Variants in LPP observed in about 807,000 individuals in gnomAD.
LPP encodes LIM domain containing preferred translocation partner in lipoma.
LPP carries 38 observed loss-of-function variants against 60.4 expected under a neutral mutation model. The observed-to-expected ratio is 0.63, with a 90% CI of 0.49 to 0.83. LPP has a LOEUF of 0.83. Among genes scored for constraint, LPP ranks in the 40% least tolerant of loss-of-function variants. The pLI is 0.00. For missense variants in LPP, 902 were observed against 783.6 expected, an observed-to-expected ratio of 1.15 and a Z score of -1.80; for synonymous variants, 328 against 290.8, an observed-to-expected ratio of 1.13 and a Z score of -1.30.
In LPP at chr3:188,330,756, C is replaced by T. The variant is rs1474333022; in HGVS notation, c.-66-10907C>T. 2.6e-5 allele frequency among the ~76,000 whole-genome samples: 4 copies of T among 152,062 alleles called. No homozygotes were observed. In the South Asian group the frequency reaches 8.3e-4, roughly 32 times the overall value. On this transcript the variant is annotated intron_variant, in intron 2 of 11. Transcript: ENST00000617246. The stretch of plus-strand genomic sequence containing the variant: ...ACTTGAGCCTGAGAGGCAGAGATTG[C>T]AGTGAGCCGAGATCGTGCTATTACA...
rs556100857 is a variant in LPP, at chr3:188,697,051, C to G, written c.1114-11216C>G. 9.9e-5 allele frequency among the ~76,000 whole-genome samples: 15 copies of G among 152,266 alleles called. 1 individual carries two copies. The East Asian group carries it at 2.7e-3, about 27-fold the overall frequency. On this transcript the variant is annotated intron_variant, in intron 7 of 11. Transcript: ENST00000617246. ...TTGAGATACTTTGATTTGATTTTCA[C>G]TGGTCAAGCAAAAAAACATGTTCTT...
rs1553878868 is a variant in LPP at position 188,878,772 on chromosome 3, AAAAG to A, written c.*4305_*4308del. The A allele has an allele frequency of 9.5e-4, 194 of 204,856 alleles. 1 individual carries two copies. Among genetic ancestry groups the A allele is most frequent in the Middle Eastern group, 5.0e-3 (3 of 606 alleles). 12.7% of individuals were successfully genotyped at this position (204,856 alleles called of 1,614,324 possible). On this transcript the variant is annotated 3_prime_UTR_variant, in exon 12 of 12. Transcript: ENST00000617246. ...AAAGTAAAAAAGTAAAAAAAAAAAA[AAAAG>A]AAAGAAAGAAAAGAAAGAGAGAGAA...
At chr3:188,223,672 A>C (rs1716647584) in intron 1 of LPP, among the ~76,000 whole-genome samples, 1 of 152,204 alleles carries the variant, frequency 6.6e-6, no homozygotes, top group Non-Finnish European at 1.5e-5. Flanking sequence ...GTGAAGTTTA[A>C]AAATCTGGGA....
chr3:188,782,252 C>T (rs1740027539), intron 9 of LPP, among the ~76,000 whole-genome samples: 1 of 152,162 alleles, frequency 6.6e-6, no homozygotes, highest in Admixed American at 6.5e-5. Flanking sequence ...AAGATCAAAA[C>T]TCAGTATCTC....
In LPP at chr3:188,609,226, C is replaced by T. The variant is rs1243276888; in HGVS notation, c.495C>T (p.Val165=). The change falls in exon 7 of 12, where the codon GTC becomes GTT. Residue 165 remains valine (V), a synonymous_variant. Coordinates refer to ENST00000617246, the MANE Select transcript of LPP (RefSeq NM_001375462.1). This position sits in a 1 kb window ranked among gnomAD's most constrained non-coding sequence, Gnocchi z 6.9. The part of the protein sequence containing the change: ...STPVTGHKRM[V]IPNQPPLTAT... Reference sequence around the variant, plus strand: ...CAGTCACAGGACACAAGAGAATGGTCATCCCGAACCAACCCCCTCTAACAG... The same window carrying T: ...CAGTCACAGGACACAAGAGAATGGTTATCCCGAACCAACCCCCTCTAACAG... 5 of 1,613,984 alleles carry T rather than the reference C, an allele frequency of 3.1e-6. No individual in the cohort carries two copies. In the East Asian group the frequency reaches 6.7e-5, roughly 22 times the overall value.
intron 7 of LPP, among the ~76,000 whole-genome samples, chr3:188,680,551 A>C (rs973629484): frequency 6.6e-6 from 1 of 152,192 alleles, no homozygotes; most frequent in South Asian, 2.1e-4. Flanking sequence ...ACATTTTTTT[A>C]CTACCCCACC....
intron 6 of LPP, among the ~76,000 whole-genome samples, chr3:188,605,195 T>C (rs1328194899): frequency 2.6e-5 from 4 of 152,182 alleles, no homozygotes; most frequent in East Asian, 1.9e-4. Flanking sequence ...GTCGTGGACA[T>C]TGGGAGACCA....
chr3:188,878,136 A>G lies in LPP; in HGVS notation c.*3657A>G, dbSNP rs1040916636. On this transcript the variant is annotated 3_prime_UTR_variant, in exon 12 of 12. Coordinates refer to ENST00000617246, the MANE Select transcript of LPP (RefSeq NM_001375462.1). ...GACTCTGAAAACACAACTTCCAGCC[A>G]TTTTTTTAGTTAGTAAAAATCCTAT... is the stretch of plus-strand genomic sequence containing the variant. The G allele has an allele frequency of 4.5e-6, 1 of 220,678 alleles. No individual in the cohort carries two copies. The highest frequency in any genetic ancestry group is 5.8e-5 in the Admixed American group (1 of 17,330). The allele number at this position is 220,678 out of a possible 1,614,324, so 13.7% of individuals were successfully genotyped here.
intron 9 of LPP, among the ~76,000 whole-genome samples, chr3:188,842,630 T>G (rs539922339): frequency 6.6e-6 from 1 of 152,242 alleles, no homozygotes; most frequent in South Asian, 2.1e-4. Context: ...AGCTATAGAA[T>G]TAATGTTTTT....
intron 8 of LPP, among the ~76,000 whole-genome samples, chr3:188,747,051 C>T (rs755660800): frequency 2.0e-5 from 3 of 152,038 alleles, no homozygotes; most frequent in Non-Finnish European, 2.9e-5. Context: ...ACACTTGATT[C>T]GGTGTATTTA....
intron 9 of LPP, among the ~76,000 whole-genome samples, chr3:188,851,816 T>A (rs563490659): frequency 6.6e-6 from 1 of 152,328 alleles, no homozygotes; most frequent in South Asian, 2.1e-4. Context: ...AAAATTAGTG[T>A]CTGAAAGGAA....
chr3:188,528,866 CA>C (rs1821395812), intron 6 of LPP, among the ~76,000 whole-genome samples: 1 of 152,130 alleles, frequency 6.6e-6, no homozygotes, highest in Non-Finnish European at 1.5e-5. Flanking sequence ...AAGCTGGCAT[CA>C]GTCATCTGAG....
At chr3:188,622,532 G>A (rs1845990886) in intron 7 of LPP, among the ~76,000 whole-genome samples, 2 of 151,990 alleles carry the variant, frequency 1.3e-5, no homozygotes, top group South Asian at 2.1e-4. Flanking sequence ...TGTGGTTTTT[G>A]TTATACTTGC....
intron 9 of LPP, among the ~76,000 whole-genome samples, chr3:188,787,180 A>T (rs1742193459): frequency 6.6e-6 from 1 of 152,178 alleles, no homozygotes; most frequent in African/African-American, 2.4e-5. Flanking sequence ...TGGCTGTAAT[A>T]TTGTACCATA....
At chr3:188,238,339 G>GCTA (rs1379722328) in intron 2 of LPP, among the ~76,000 whole-genome samples, 1 of 150,918 alleles carries the variant, frequency 6.6e-6, no homozygotes. Context: ...TCATTCATGT[G>GCTA]TTCACTGGAA....
intron 9 of LPP, among the ~76,000 whole-genome samples, chr3:188,805,944 T>A (rs1476125148): frequency 6.6e-6 from 1 of 151,950 alleles, no homozygotes; most frequent in African/African-American, 2.4e-5. Context: ...GAACATGTTT[T>A]GTGTAACTTA....
chr3:188,495,084 T>TATATATATATATA (rs61034825), intron 5 of LPP, among the ~76,000 whole-genome samples: 2 of 15,490 alleles, frequency 1.3e-4, no homozygotes, highest in Non-Finnish European at 3.2e-4. Flanking sequence ...ATATATATAT[T>TATATATATATATA]TTATTTATAT....
chr3:188,711,555 C>G (rs895080716), intron 8 of LPP: 1 of 152,016 alleles, frequency 6.6e-6, no homozygotes, highest in Admixed American at 6.6e-5. Context: ...GATGAGCATT[C>G]TCTTCTAGGT....
chr3:188,435,997 C>T (rs894790427), intron 4 of LPP, among the ~76,000 whole-genome samples: 1 of 152,204 alleles, frequency 6.6e-6, no homozygotes, highest in South Asian at 2.1e-4. Context: ...AACTTCCATT[C>T]TTCCTCTGTC....
Sources: gnomAD v4.1 joint callset for allele counts (sites outside exome capture counted in the v4.1 genomes callset) on GRCh38, gnomAD v4.1.1 for gene constraint, Gnocchi (gnomAD v3.1) non-coding constraint, MANE v1.5 for transcripts, NCBI Gene and HGNC (gene_info 2026-07-23, HGNC 2026-07-21) for gene names.